The following PDE8B variants were observed in gnomAD, a reference collection of about 807,000 sequenced individuals.
PDE8B encodes the protein phosphodiesterase 8B, also known as high affinity cAMP-specific and IBMX-insensitive 3',5'-cyclic phosphodiesterase 8B.
A neutral mutation model predicts 101.3 loss-of-function variants in PDE8B; 26 were observed. The ratio of observed to expected loss-of-function variants is 0.26; its 90% CI spans 0.19 to 0.36. PDE8B has a LOEUF of 0.36. PDE8B is among the 10% of genes least tolerant of loss of function. The pLI is 1.00. For synonymous variants in PDE8B, 424 were observed against 429.3 expected, an observed-to-expected ratio of 0.99 and a Z score of 0.15; for missense variants, 810 against 1,163.1, an observed-to-expected ratio of 0.70 and a Z score of 4.42.
intron 1 of PDE8B, among the ~76,000 whole-genome samples, chr5:77,305,549 CAG>C (rs1771011510): frequency 6.6e-6 from 1 of 152,112 alleles, no homozygotes; most frequent in Admixed American, 6.6e-5. Context: ...CAGAGTTTCC[CAG>C]CATAGAGCAG....
At chr5:77,110,066 T>G in the PDE8B span, among the ~76,000 whole-genome samples, 1 of 146,306 alleles carries the variant, frequency 6.8e-6, no homozygotes, top group African/African-American at 2.5e-5. Context: ...GCCTCCCAAA[T>G]AGCTGGGATT....
the PDE8B span, among the ~76,000 whole-genome samples, chr5:77,169,578 A>G: frequency 6.6e-6 from 1 of 152,322 alleles, no homozygotes; most frequent in Non-Finnish European, 1.5e-5. Flanking sequence ...CAGCAGCAGC[A>G]TGTGCAAATA....
At chr5:77,350,981 T>G in intron 8 of PDE8B, 84 bp from the exon 9 acceptor site, 1 of 946,814 alleles carries the variant, frequency 1.1e-6, no homozygotes, top group South Asian at 1.3e-5. Flanking sequence ...GTGGGAATGT[T>G]CCTTCTCAGC....
At chr5:77,344,416 T>C (rs1779794071) in intron 6 of PDE8B, among the ~76,000 whole-genome samples, 1 of 152,230 alleles carries the variant, frequency 6.6e-6, no homozygotes. Flanking sequence ...TACTGTATCT[T>C]AAATTGAGTA....
At position 77,298,323 on chromosome 5, in the gene PDE8B, AGCCACAGAACATCATG is replaced by A. The variant is rs552520876; in HGVS notation, c.340-13667_340-13652del. On this transcript the variant is annotated intron_variant, in intron 1 of 21. Coordinates refer to ENST00000264917, the MANE Select transcript of PDE8B (RefSeq NM_003719.5). Reference sequence around the variant, plus strand: ...GACTTAAATTGAGGGCTGTGGGCTCAGCCACAGAACATCATGGCCTCTGTTACCCTAAGTTTCTTCC... The same window carrying A: ...GACTTAAATTGAGGGCTGTGGGCTCAGCCTCTGTTACCCTAAGTTTCTTCC... 3.0e-4 allele frequency among the ~76,000 whole-genome samples: 45 copies of A among 152,310 alleles called. No homozygotes were observed. In the South Asian group the frequency reaches 9.3e-3, roughly 32 times the overall value.
intron 1 of PDE8B, among the ~76,000 whole-genome samples, chr5:77,288,212 T>C (rs1766459204): frequency 6.6e-6 from 1 of 152,190 alleles, no homozygotes. Context: ...GGGTCCCCAT[T>C]GAAAACCTAA....
upstream of PDE8B, among the ~76,000 whole-genome samples, chr5:77,207,521 T>C (rs1747597857): frequency 1.3e-5 from 2 of 152,080 alleles, no homozygotes. Context: ...GCTAAATTTT[T>C]CTCCACTTAA....
chr5:77,347,477 A>G (rs1442648939), intron 7 of PDE8B, among the ~76,000 whole-genome samples: 5 of 152,222 alleles, frequency 3.3e-5, no homozygotes, highest in Non-Finnish European at 7.3e-5. Flanking sequence ...GAATGAACAC[A>G]CATGAAAAGG....
chr5:77,408,084 G>GA (rs1189264645), intron 13 of PDE8B, among the ~76,000 whole-genome samples: 23 of 152,318 alleles, frequency 1.5e-4, no homozygotes, highest in Middle Eastern at 3.4e-3. Context: ...GGTGGCAAGA[G>GA]AACAGGTCAG....
chr5:77,227,936 A>T (rs534470883), intron 1 of PDE8B, among the ~76,000 whole-genome samples: 1 of 152,306 alleles, frequency 6.6e-6, no homozygotes, highest in South Asian at 2.1e-4. Flanking sequence ...ACATTACCAT[A>T]GACTTAGGGG....
At position 77,218,677 on chromosome 5, in the gene PDE8B, G is replaced by T. The variant is rs77695050; in HGVS notation, c.339+7413G>T. Among the ~76,000 whole-genome samples, 138 of 152,268 alleles carry T rather than the reference G, an allele frequency of 9.1e-4. 3 individuals carry two copies. In the East Asian group the frequency reaches 0.022, roughly 25 times the overall value. ...ACTAGAGTGTTTTGAAGTTGGAGAA[G>T]AATTAAAAAATGCACACAAAATGTG... On this transcript the variant is annotated intron_variant, in intron 1 of 21. Transcript: ENST00000264917.
the PDE8B span, among the ~76,000 whole-genome samples, chr5:77,184,893 C>G: frequency 6.6e-6 from 1 of 152,148 alleles, no homozygotes; most frequent in Non-Finnish European, 1.5e-5. Context: ...TTGTCACTCA[C>G]ATTTTATGTC....
intron 19 of PDE8B, among the ~76,000 whole-genome samples, chr5:77,420,654 A>G (rs781028405): frequency 1.3e-5 from 2 of 152,078 alleles, no homozygotes; most frequent in African/African-American, 2.4e-5. Flanking sequence ...GACAGTGTCT[A>G]CCTCACCTAT....
chr5:77,335,831 C>T (rs1778079356), intron 5 of PDE8B, among the ~76,000 whole-genome samples: 1 of 151,972 alleles, frequency 6.6e-6, no homozygotes, highest in Admixed American at 6.6e-5. Flanking sequence ...TAACATTTCC[C>T]CTTTCCTAAG....
intron 1 of PDE8B, chr5:77,291,731 C>T: frequency 1.3e-6 from 2 of 1,592,334 alleles, no homozygotes; most frequent in Non-Finnish European, 1.7e-6. Context: ...GGAAACAGTA[C>T]ATGAGAAGGT....
chr5:77,378,311 C>A (rs13163022), intron 10 of PDE8B, among the ~76,000 whole-genome samples: 2 of 151,394 alleles, frequency 1.3e-5, no homozygotes, highest in South Asian at 4.2e-4. Flanking sequence ...ATACAAAAAT[C>A]AGCTGGGTGT....
the PDE8B span, among the ~76,000 whole-genome samples, chr5:77,186,809 G>A: frequency 2.6e-5 from 4 of 152,148 alleles, no homozygotes; most frequent in African/African-American, 9.7e-5. Context: ...AGTGCGCAGA[G>A]GGGAGGCCAA....
intron 1 of PDE8B, among the ~76,000 whole-genome samples, chr5:77,304,727 G>T (rs565442900): frequency 6.6e-6 from 1 of 152,068 alleles, no homozygotes; most frequent in Non-Finnish European, 1.5e-5. Flanking sequence ...ATGAGTAATC[G>T]TCCATCTATA....
At chr5:77,092,946 A>G in the PDE8B span, among the ~76,000 whole-genome samples, 1 of 152,126 alleles carries the variant, frequency 6.6e-6, no homozygotes, top group Non-Finnish European at 1.5e-5. Context: ...AGTTTGAGAA[A>G]AATATTTATC....
Sources: gnomAD v4.1 joint callset for allele counts (sites outside exome capture counted in the v4.1 genomes callset) on GRCh38, gnomAD v4.1.1 for gene constraint, MANE v1.5 for transcripts, NCBI Gene and HGNC (gene_info 2026-07-23, HGNC 2026-07-21) for gene names.